Variants in ATP1A1 observed in about 807,000 individuals in gnomAD.
ATP1A1 encodes sodium/potassium-transporting ATPase subunit alpha-1.
In ATP1A1, 14 loss-of-function variants were observed where a neutral mutation model predicts 114.8. The ratio of observed to expected loss-of-function variants is 0.12; its 90% CI spans 0.08 to 0.19. The LOEUF is 0.19. Ranked by LOEUF, ATP1A1 falls within the 10% of genes least tolerant of loss-of-function variation. The pLI is 1.00. For missense variants in ATP1A1, 524 were observed against 1,290.7 expected, an observed-to-expected ratio of 0.41 and a Z score of 9.10; for synonymous variants, 471 against 466.3, an observed-to-expected ratio of 1.01 and a Z score of -0.13.
rs749391695 is a variant in ATP1A1 at position 116,399,578 on chromosome 1, C to T, written c.2572+35C>T. 2 of 1,612,414 alleles carry T rather than the reference C, an allele frequency of 1.2e-6. No individual in the cohort carries two copies. Among genetic ancestry groups the T allele is most frequent in the Non-Finnish European group, 1.7e-6 (2 of 1,179,148 alleles). On this transcript the variant is annotated intron_variant, in intron 18 of 22. Transcript: ENST00000295598. This position sits in a 1 kb window ranked among gnomAD's most constrained non-coding sequence, Gnocchi z 5.0. ...AGCCTGGAGTGGGAAGCTGGCACAT[C>T]TAAGGCATCTGAGGTGATGGTGTCC...
In ATP1A1 at chr1:116,381,943, G is replaced by A. The variant is rs926020362; in HGVS notation, c.13-2071G>A. On this transcript the variant is annotated intron_variant, in intron 1 of 22. Coordinates refer to ENST00000295598, the MANE Select transcript of ATP1A1 (RefSeq NM_000701.8). The surrounding 1 kb of genome is among the most constrained non-coding windows in gnomAD (Gnocchi z 5.1). ...TGTAATCCCAGCACTTTGGGAGGCC[G>A]AGGTGGGTGGATCATGAGGTAAGGA... 7.2e-5 allele frequency among the ~76,000 whole-genome samples: 11 copies of A among 152,192 alleles called. No homozygotes were observed. The highest frequency in any genetic ancestry group is 2.1e-4 in the South Asian group (1 of 4,826).
rs1651951331 is a variant in ATP1A1 at position 116,384,506 on chromosome 1, T to A, written c.124-277T>A. On this transcript the variant is annotated intron_variant, in intron 2 of 22. Transcript: ENST00000295598. The surrounding 1 kb of genome is among the most constrained non-coding windows in gnomAD (Gnocchi z 5.1). ...AGAAGGCAGATAAGGTTTTACTAGATCCCTGAGAGCTGCTGGGTTTCTCTG... is the reference window on the plus strand; with the variant it reads ...AGAAGGCAGATAAGGTTTTACTAGAACCCTGAGAGCTGCTGGGTTTCTCTG... Among the ~76,000 whole-genome samples, 1 of 152,132 alleles carries A rather than the reference T, an allele frequency of 6.6e-6. No individual in the cohort carries two copies. Among genetic ancestry groups the A allele is most frequent in the Non-Finnish European group, 1.5e-5 (1 of 68,030 alleles).
Position 116,384,189 on chromosome 1 carries a change from G to A in ATP1A1, c.123+65G>A. ...AAATCCATGATTTTTAATCCCCCAG[G>A]CCTCACTGTATTCTTCAAAGAACTG... On this transcript the variant is annotated intron_variant, in intron 2 of 22. Transcript: ENST00000295598. The surrounding 1 kb of genome is among the most constrained non-coding windows in gnomAD (Gnocchi z 5.1). 1 of 1,341,282 alleles carries A rather than the reference G, an allele frequency of 7.5e-7. No homozygotes were observed. Among genetic ancestry groups the A allele is most frequent in the Non-Finnish European group, 1.1e-6 (1 of 950,316 alleles). 83.1% of individuals were successfully genotyped at this position (1,341,282 alleles called of 1,614,324 possible). A position where few individuals can be genotyped will look rare whatever the true frequency, so the allele number is the denominator to read the frequency against.
In ATP1A1 at chr1:116,395,836, C is replaced by G. The variant is rs1652868387; in HGVS notation, c.1836+551C>G. On this transcript the variant is annotated intron_variant, in intron 13 of 22. Transcript: ENST00000295598. The surrounding 1 kb of genome is among the most constrained non-coding windows in gnomAD (Gnocchi z 6.4). ...GCACGATCTCGGCTCACTGCAACCT[C>G]CGCCTCCCAGGTTCAAGCAATTCTC... Among the ~76,000 whole-genome samples the G allele has an allele frequency of 6.6e-6, 1 of 152,188 alleles. No individual in the cohort carries two copies. The highest frequency in any genetic ancestry group is 2.4e-5 in the African/African-American group (1 of 41,448).
intron 1 of ATP1A1, among the ~76,000 whole-genome samples, chr1:116,382,912 G>C (rs1175295188): frequency 6.6e-6 from 1 of 152,142 alleles, no homozygotes; most frequent in African/African-American, 2.4e-5. Context: ...AATTGCTAAT[G>C]TCTACTTTTT....
intron 1 of ATP1A1, among the ~76,000 whole-genome samples, chr1:116,377,887 GATA>G (rs1651475510): frequency 6.6e-6 from 1 of 152,200 alleles, no homozygotes; most frequent in Admixed American, 6.5e-5. Context: ...TCCAGTACAT[GATA>G]ATGTGCAGTA....
chr1:116,398,179 A>T lies in ATP1A1; in HGVS notation c.2124+141A>T. ...GTATAAATAGGCCAGTAGGAAGCTC[A>T]TAGGCATAGAGAGGGTGACTTGTTA... On this transcript the variant is annotated intron_variant, in intron 15 of 22. Transcript: ENST00000295598. This position sits in a 1 kb window ranked among gnomAD's most constrained non-coding sequence, Gnocchi z 6.1. 1.6e-6 allele frequency: 2 copies of T among 1,213,168 alleles called. No individual in the cohort carries two copies. Among genetic ancestry groups the T allele is most frequent in the Non-Finnish European group, 2.3e-6 (2 of 886,874 alleles). The allele number at this position is 1,213,168 out of a possible 1,614,324, so 75.2% of individuals were successfully genotyped here.
chr1:116,386,364 A>C (rs531424526), intron 3 of ATP1A1, among the ~76,000 whole-genome samples: 34 of 152,098 alleles, frequency 2.2e-4, no homozygotes, highest in African/African-American at 7.7e-4. Context: ...CCATTACTCA[A>C]ATGCTGCGGG....
At position 116,399,245 on chromosome 1, in the gene ATP1A1, A is replaced by G. The variant is rs1232547548; in HGVS notation, c.2448+161A>G. On this transcript the variant is annotated intron_variant, in intron 17 of 22. Transcript: ENST00000295598. This position sits in a 1 kb window ranked among gnomAD's most constrained non-coding sequence, Gnocchi z 5.0. ...CCAATCCCGGCTTCACAGAATCAGTATTACCACTCTTCAAGGCAGCAGTTA... is the reference window on the plus strand; with the variant it reads ...CCAATCCCGGCTTCACAGAATCAGTGTTACCACTCTTCAAGGCAGCAGTTA... 7.4e-7 allele frequency: 1 copy of G among 1,343,916 alleles called. No homozygotes were observed. Among genetic ancestry groups the G allele is most frequent in the Non-Finnish European group, 1.0e-6 (1 of 976,754 alleles). 83.2% of individuals were successfully genotyped at this position (1,343,916 alleles called of 1,614,324 possible).
In ATP1A1 at chr1:116,389,314, C is replaced by T. The variant is rs1048859480; in HGVS notation, c.755-125C>T. On this transcript the variant is annotated intron_variant, in intron 7 of 22. Coordinates refer to ENST00000295598, the MANE Select transcript of ATP1A1 (RefSeq NM_000701.8). This position sits in a 1 kb window ranked among gnomAD's most constrained non-coding sequence, Gnocchi z 6.9. ...ACAGCATGTACAGCCAAAGAGCTGG[C>T]CCTTAAAAAGTGCTTTTATCAACTC... is the stretch of plus-strand genomic sequence containing the variant. 8 of 1,267,672 alleles carry T rather than the reference C, an allele frequency of 6.3e-6. No homozygotes were observed. The highest frequency in any genetic ancestry group is 1.5e-5 in the African/African-American group (1 of 66,944). The allele number at this position is 1,267,672 out of a possible 1,614,324, so 78.5% of individuals were successfully genotyped here.
At chr1:116,380,952 C>T (rs1014936768) in intron 1 of ATP1A1, among the ~76,000 whole-genome samples, 1 of 151,960 alleles carries the variant, frequency 6.6e-6, no homozygotes, top group Non-Finnish European at 1.5e-5. Flanking sequence ...CATAACCCAA[C>T]TTCATTTTTA....
rs757650235 is a variant in ATP1A1, at chr1:116,390,824, C to A, written c.1265C>A (p.Ser422Tyr). Residue 422 changes from serine (S) to tyrosine (Y), a missense_variant, in exon 10 of 23, where the codon TCC (serine) becomes TAC (tyrosine). By Grantham distance (144) the Ser-to-Tyr change is moderately radical. This residue lies in a region of ATP1A1 where 143 missense variants were observed against 259.3 expected (regional missense o/e 0.55). Coordinates refer to ENST00000295598, the MANE Select transcript of ATP1A1 (RefSeq NM_000701.8). ...ACTTCAGCTACCTGGCTTGCTCTGTCCAGAATTGCAGGTCTTTGTAACAGG... is the reference window on the plus strand; with the variant it reads ...ACTTCAGCTACCTGGCTTGCTCTGTACAGAATTGCAGGTCTTTGTAACAGG... ...DKTSATWLAL[S>Y]RIAGLCNRAV... The A allele has an allele frequency of 1.9e-5, 30 of 1,614,076 alleles. No homozygotes were observed. The highest frequency in any genetic ancestry group is 2.5e-5 in the Non-Finnish European group (30 of 1,180,046).
intron 1 of ATP1A1, among the ~76,000 whole-genome samples, chr1:116,374,708 C>T (rs1651240193): frequency 6.6e-6 from 1 of 152,120 alleles, no homozygotes; most frequent in South Asian, 2.1e-4. Flanking sequence ...TGAAAGTGAC[C>T]ATGTCATGAG....
At position 116,398,534 on chromosome 1, in the gene ATP1A1, T is replaced by G; in HGVS notation, c.2125-87T>G. ...AATAGGAAAGGAGCAGTGTCTGTAATGAGTGCTCAGTGGGGGCATGCATCG... is the reference window on the plus strand; with the variant it reads ...AATAGGAAAGGAGCAGTGTCTGTAAGGAGTGCTCAGTGGGGGCATGCATCG... On this transcript the variant is annotated intron_variant, in intron 15 of 22. Transcript: ENST00000295598. The surrounding 1 kb of genome is among the most constrained non-coding windows in gnomAD (Gnocchi z 6.1). 6.8e-7 allele frequency: 1 copy of G among 1,478,842 alleles called. No homozygotes were observed. Among genetic ancestry groups the G allele is most frequent in the Non-Finnish European group, 9.2e-7 (1 of 1,085,804 alleles). 91.6% of individuals were successfully genotyped at this position (1,478,842 alleles called of 1,614,324 possible). A position where few individuals can be genotyped will look rare whatever the true frequency, so the allele number is the denominator to read the frequency against.
At chr1:116,374,316 C>A (rs1651207694) in intron 1 of ATP1A1, 2 of 1,545,868 alleles carry the variant, frequency 1.3e-6, no homozygotes, top group African/African-American at 2.7e-5. Flanking sequence ...AGTTGTCATC[C>A]GATGGTGGGG....
At chr1:116,392,181 A>T (rs1432732481) in intron 10 of ATP1A1, 1 of 152,252 alleles carries the variant, frequency 6.6e-6, no homozygotes, top group East Asian at 1.9e-4. Context: ...GTCAAAATAT[A>T]AGTGTGTCAT....
Position 116,388,405 on chromosome 1 carries a change from A to C in ATP1A1, c.501+161A>C. On this transcript the variant is annotated intron_variant, in intron 5 of 22. Coordinates refer to ENST00000295598, the MANE Select transcript of ATP1A1 (RefSeq NM_000701.8). The surrounding 1 kb of genome is among the most constrained non-coding windows in gnomAD (Gnocchi z 5.6). ...AAACCAACCTATTTTCCTTCTATCC[A>C]AAAAGTGGTAGCCTTTCTTTTGAAT... The C allele has an allele frequency of 2.1e-6, 2 of 951,818 alleles. No individual in the cohort carries two copies. Among genetic ancestry groups the C allele is most frequent in the Non-Finnish European group, 3.1e-6 (2 of 643,578 alleles). The allele number at this position is 951,818 out of a possible 1,614,324, so 59.0% of individuals were successfully genotyped here.
rs1406541680 is a variant in ATP1A1, at chr1:116,390,846, C to T, written c.1287C>T (p.Asn429=). 6.2e-7 allele frequency: 1 copy of T among 1,614,086 alleles called. No homozygotes were observed. Among genetic ancestry groups the T allele is most frequent in the Non-Finnish European group, 8.5e-7 (1 of 1,180,046 alleles). Residue 429 remains asparagine, a synonymous_variant, in exon 10 of 23, where the codon AAC becomes AAT. Transcript: ENST00000295598. ...LALSRIAGLC[N]RAVFQANQEN... is the part of the protein sequence containing the mutation. The stretch of plus-strand genomic sequence containing the variant: ...TGTCCAGAATTGCAGGTCTTTGTAA[C>T]AGGGCAGTGTTTCAGGCTAACCAGG...
At position 116,388,103 on chromosome 1, in the gene ATP1A1, G is replaced by A. The variant is rs373939271; in HGVS notation, c.388-28G>A. On this transcript the variant is annotated intron_variant, in intron 4 of 22. Transcript: ENST00000295598. This position sits in a 1 kb window ranked among gnomAD's most constrained non-coding sequence, Gnocchi z 5.6. ...GTCCCTAATTATTGTGTAGAGCCAC[G>A]GGCCCTAACTTGTCTTTTCCCTTCC... The A allele has an allele frequency of 2.1e-5, 30 of 1,459,358 alleles. No homozygotes were observed. The highest frequency in any genetic ancestry group is 1.8e-4 in the African/African-American group (13 of 71,012). 90.4% of individuals were successfully genotyped at this position (1,459,358 alleles called of 1,614,324 possible). A position where few individuals can be genotyped will look rare whatever the true frequency, so the allele number is the denominator to read the frequency against.
Sources: gnomAD v4.1 joint callset for allele counts (sites outside exome capture counted in the v4.1 genomes callset) on GRCh38, gnomAD v4.1.1 for gene constraint, gnomAD v4.1.1 regional missense constraint, Gnocchi (gnomAD v3.1) non-coding constraint, MANE v1.5 for transcripts, NCBI Gene and HGNC (gene_info 2026-07-23, HGNC 2026-07-21) for gene names.